Variants in DENND6A observed in about 807,000 individuals in gnomAD.
DENND6A encodes the protein DENN domain containing 6A.
In DENND6A, 43 loss-of-function variants were observed where a neutral mutation model predicts 95.5. That is an observed-to-expected ratio of 0.45 (90% CI 0.35 to 0.58). The LOEUF (loss-of-function observed/expected upper bound fraction) is 0.58. Among genes scored for constraint, DENND6A ranks in the 20% least tolerant of loss-of-function variants. The pLI is 0.00. For missense variants in DENND6A, 574 were observed against 736.0 expected, an observed-to-expected ratio of 0.78 and a Z score of 2.55; for synonymous variants, 257 against 260.4, an observed-to-expected ratio of 0.99 and a Z score of 0.13.
In DENND6A at chr3:57,672,430, A is replaced by G; in HGVS notation, c.246T>C (p.Tyr82=). The stretch of plus-strand genomic sequence containing the variant: ...TGTCAGTAAGTTTGGAATGCTGAGG[A>G]TAAATTACCTGGAAGAAAAGAGTTA... ...LELGQAVEVI[Y]PQHSKLTDRE... is the part of the protein sequence containing the mutation. The change falls in exon 2 of 20, where the codon TAT becomes TAC. Residue 82 remains tyrosine, a synonymous_variant. Transcript: ENST00000311128. 1 of 1,612,284 alleles carries G rather than the reference A, an allele frequency of 6.2e-7. No individual in the cohort carries two copies. The highest frequency in any genetic ancestry group is 1.3e-5 in the African/African-American group (1 of 75,024).
At chr3:57,645,070 A>ATT (rs2071049561) in intron 11 of DENND6A, among the ~76,000 whole-genome samples, 1 of 152,018 alleles carries the variant, frequency 6.6e-6, no homozygotes, top group South Asian at 2.1e-4. Flanking sequence ...GGGTAAGATT[A>ATT]TTTTTTCTTT....
chr3:57,642,956 A>C (rs1412226646), intron 11 of DENND6A, among the ~76,000 whole-genome samples: 2 of 151,346 alleles, frequency 1.3e-5, no homozygotes, highest in Non-Finnish European at 2.9e-5. Context: ...CAGTGAGCCA[A>C]GATCGCGCCA....
intron 12 of DENND6A, among the ~76,000 whole-genome samples, chr3:57,636,656 G>C (rs537588515): frequency 3.2e-4 from 49 of 152,258 alleles, no homozygotes; most frequent in Admixed American, 1.1e-3. Context: ...TAAAAAGTTG[G>C]CCGGGCGTGG....
rs1255391204 is a variant in DENND6A at position 57,683,150 on chromosome 3, T to C, written c.237+9632A>G. ...ATAGGTACCAACAAAAATTTAATGATGCTACCCTCATACTGATCCTGTATT... is the reference window on the plus strand; with the variant it reads ...ATAGGTACCAACAAAAATTTAATGACGCTACCCTCATACTGATCCTGTATT... On this transcript the variant is annotated intron_variant, in intron 1 of 19. Coordinates refer to ENST00000311128, the MANE Select transcript of DENND6A (RefSeq NM_152678.3). Among the ~76,000 whole-genome samples the C allele has an allele frequency of 2.6e-5, 4 of 152,184 alleles. No homozygotes were observed. The East Asian group carries it at 7.7e-4, about 29-fold the overall frequency.
chr3:57,658,064 A>G (rs950918068), intron 8 of DENND6A, among the ~76,000 whole-genome samples: 3 of 151,916 alleles, frequency 2.0e-5, no homozygotes, highest in Non-Finnish European at 1.5e-5. Flanking sequence ...GTGAAATCCC[A>G]TCTCTACTAA....
At chr3:57,692,719 GC>G in intron 1 of DENND6A, 62 bp downstream of exon 1, 1 of 1,358,288 alleles carries the variant, frequency 7.4e-7, no homozygotes, top group South Asian at 1.6e-5. Context: ...CGGGCCGCTG[GC>G]TTTGCTGCAG....
intron 15 of DENND6A, among the ~76,000 whole-genome samples, chr3:57,632,028 T>TC (rs1162146365): frequency 7.8e-6 from 1 of 128,254 alleles, no homozygotes; most frequent in African/African-American, 2.9e-5. Context: ...GGCCTTTTTT[T>TC]TTTTTTTTTT....
At chr3:57,639,288 A>G (rs1305048800) in intron 12 of DENND6A, among the ~76,000 whole-genome samples, 1 of 152,248 alleles carries the variant, frequency 6.6e-6, no homozygotes, top group Non-Finnish European at 1.5e-5. Flanking sequence ...ATGTTAAGAA[A>G]TAGGAACCCT....
At chr3:57,666,342 T>A in intron 3 of DENND6A, 107 bp from the exon 4 acceptor site, 2 of 895,740 alleles carry the variant, frequency 2.2e-6, no homozygotes, top group Non-Finnish European at 3.3e-6. Context: ...TTTAACCCAT[T>A]CTGTCATGTT....
chr3:57,690,247 T>C (rs1228652809), intron 1 of DENND6A, among the ~76,000 whole-genome samples: 1 of 151,848 alleles, frequency 6.6e-6, no homozygotes, highest in African/African-American at 2.4e-5. Context: ...GGCTCATGCC[T>C]GTAATCCCAG....
chr3:57,667,668 C>G (rs569824237), intron 3 of DENND6A, among the ~76,000 whole-genome samples: 1 of 152,166 alleles, frequency 6.6e-6, no homozygotes, highest in Admixed American at 6.5e-5. Context: ...CATAGACTGA[C>G]GCCAGTCCAT....
At chr3:57,653,442 G>A (rs1444993003) in intron 9 of DENND6A, among the ~76,000 whole-genome samples, 9 of 151,974 alleles carry the variant, frequency 5.9e-5, no homozygotes, top group South Asian at 4.1e-4. Context: ...AACTTCTCTC[G>A]AACTAAAAAA....
Position 57,641,744 on chromosome 3 carries a change from G to A in DENND6A, c.1041C>T (p.Pro347=). The A allele has an allele frequency of 6.2e-7, 1 of 1,611,078 alleles. No homozygotes were observed. The highest frequency in any genetic ancestry group is 8.5e-7 in the Non-Finnish European group (1 of 1,178,780). ...KEYTTRTQAP[P]SVILGVTNPF... ...GGTTGGTTACTCCTAATATAACTGA[G>A]GGCCTATAAAAAACAAAACAAAACA... The change falls in exon 12 of 20, where the codon CCC becomes CCT. Residue 347 remains proline (P), a synonymous_variant. Coordinates refer to ENST00000311128, the MANE Select transcript of DENND6A (RefSeq NM_152678.3).
chr3:57,657,519 T>C, intron 9 of DENND6A, 161 bp downstream of exon 9: 1 of 451,074 alleles, frequency 2.2e-6, no homozygotes, highest in African/African-American at 2.0e-5. Flanking sequence ...TCAAAGCTTA[T>C]AACATGTACC....
At chr3:57,675,134 ATAAAAGT>A (rs1047483130) in intron 1 of DENND6A, among the ~76,000 whole-genome samples, 3 of 152,362 alleles carry the variant, frequency 2.0e-5, no homozygotes, top group African/African-American at 7.2e-5. Context: ...GAAACCTAAA[ATAAAAGT>A]TAAAAGACAA....
chr3:57,628,429 A>C (rs2070582163), intron 19 of DENND6A, 84 bp from the exon 20 acceptor site: 12 of 1,486,914 alleles, frequency 8.1e-6, no homozygotes, highest in African/African-American at 2.8e-5. Context: ...ACCATTTTAA[A>C]GGTCTAACAA....
At chr3:57,639,255 GACA>G (rs1037016925) in intron 12 of DENND6A, among the ~76,000 whole-genome samples, 4 of 152,204 alleles carry the variant, frequency 2.6e-5, no homozygotes, top group Admixed American at 2.6e-4. Flanking sequence ...TAATGAAAAT[GACA>G]ACATCAAATG....
In DENND6A at chr3:57,645,705, A is replaced by C. The variant is rs1381003644; in HGVS notation, c.993T>G (p.Ile331Met). 1 of 1,613,514 alleles carries C rather than the reference A, an allele frequency of 6.2e-7. No homozygotes were observed. Among genetic ancestry groups the C allele is most frequent in the African/African-American group, 1.3e-5 (1 of 75,026 alleles). Residue 331 changes from isoleucine to methionine, a missense_variant, in exon 11 of 20, where the codon ATT becomes ATG. Transcript: ENST00000311128. ...YFSDFRPYFT[I>M]HDSEFKEYTT... ...TATATTCTTTGAATTCACTATCATG[A>C]ATAGTGAAATAAGGTCGGAAATCAC... is the stretch of plus-strand genomic sequence containing the variant.
chr3:57,654,982 A>G (rs888413833), intron 9 of DENND6A: 17 of 221,862 alleles, frequency 7.7e-5, no homozygotes, highest in Non-Finnish European at 1.3e-4. Flanking sequence ...TAATACTATC[A>G]CTGTGTGAGA....
Sources: gnomAD v4.1 joint callset for allele counts (sites outside exome capture counted in the v4.1 genomes callset) on GRCh38, gnomAD v4.1.1 for gene constraint, MANE v1.5 for transcripts, NCBI Gene and HGNC (gene_info 2026-07-23, HGNC 2026-07-21) for gene names.